SFTPD: variants seen among roughly 807,000 people sequenced by gnomAD.
The protein encoded by SFTPD is pulmonary surfactant-associated protein D.
Under a neutral mutation model 34.6 loss-of-function variants are expected in SFTPD, and 18 were observed. That is an observed-to-expected ratio of 0.52 (90% CI 0.36 to 0.77). The LOEUF (loss-of-function observed/expected upper bound fraction) is 0.77. Ranked by LOEUF, SFTPD falls within the 30% of genes least tolerant of loss-of-function variation. The pLI, the probability that SFTPD is intolerant of heterozygous loss-of-function variation, is 0.00. For synonymous variants in SFTPD, 155 were observed against 180.9 expected, an observed-to-expected ratio of 0.86 and a Z score of 1.15; for missense variants, 433 against 468.9, an observed-to-expected ratio of 0.92 and a Z score of 0.71.
At chr10:79,982,345 G>A (rs943285398) in intron 1 of SFTPD, 4 of 981,122 alleles carry the variant, frequency 4.1e-6, no homozygotes, top group African/African-American at 1.7e-5. Flanking sequence ...GCGCTGCTGC[G>A]AAGGCCCTGG....
intron 2 of SFTPD, among the ~76,000 whole-genome samples, chr10:79,943,934 T>A (rs1007263325): frequency 1.3e-5 from 2 of 152,118 alleles, no homozygotes; most frequent in Non-Finnish European, 2.9e-5. Flanking sequence ...AAAATGTCAC[T>A]CTCCAGAAGA....
intron 1 of SFTPD, chr10:79,969,525 G>A (rs1160703860): frequency 6.6e-6 from 1 of 151,786 alleles, no homozygotes; most frequent in East Asian, 1.9e-4. Flanking sequence ...CGTAGTTCGT[G>A]AATATTTTCA....
intron 7 of SFTPD, among the ~76,000 whole-genome samples, 189 bp downstream of exon 7, chr10:79,940,516 C>A (rs1842600099): frequency 6.6e-6 from 1 of 152,180 alleles, no homozygotes; most frequent in South Asian, 2.1e-4. Context: ...CCAGCCTGAG[C>A]CCTACCCCCT....
At chr10:79,938,271 G>A in intron 7 of SFTPD, 43 bp from the exon 8 acceptor site, 1 of 1,544,912 alleles carries the variant, frequency 6.5e-7, no homozygotes, top group Non-Finnish European at 8.8e-7. Flanking sequence ...GGCATCACCT[G>A]GCCAAAGCTC....
At chr10:79,971,425 G>A (rs1340415530) in intron 1 of SFTPD, 1 of 152,202 alleles carries the variant, frequency 6.6e-6, no homozygotes, top group Non-Finnish European at 1.5e-5. Flanking sequence ...AGTTTGAGAA[G>A]AATTGGTATT....
At chr10:79,973,020 T>C (rs1472534760) in intron 1 of SFTPD, 1 of 152,180 alleles carries the variant, frequency 6.6e-6, no homozygotes, top group Non-Finnish European at 1.5e-5. Context: ...ACTGAGCTGT[T>C]ATCATGTGTG....
chr10:79,961,165 G>A (rs1018972816), intron 1 of SFTPD, among the ~76,000 whole-genome samples: 19 of 151,988 alleles, frequency 1.3e-4, no homozygotes, highest in African/African-American at 7.2e-5. Context: ...TTAAAGACTT[G>A]CATGTTAGAC....
intron 1 of SFTPD, among the ~76,000 whole-genome samples, chr10:79,959,408 A>G (rs1417392160): frequency 6.6e-6 from 1 of 152,234 alleles, no homozygotes; most frequent in Admixed American, 6.5e-5. Flanking sequence ...CAAGACTAAT[A>G]AAGAAGAAAA....
rs1842668273 is a variant in SFTPD, at chr10:79,946,620, G to A, written c.40C>T (p.Gln14Ter). 1.2e-6 allele frequency: 2 copies of A among 1,614,238 alleles called. No homozygotes were observed. The highest frequency in any genetic ancestry group is 1.7e-6 in the Non-Finnish European group (2 of 1,180,032). The change falls in exon 2 of 8, where the codon CAG becomes TAG. Residue 14 changes from glutamine (Q) to a stop codon, truncating the protein, a stop_gained. Coordinates refer to ENST00000372292, the MANE Select transcript of SFTPD (RefSeq NM_003019.5). LOFTEE classifies it high-confidence loss of function. The part of the protein sequence containing the change: ...FLLSALVLLT[Q>*]PLGYLEAEMK... ...TCTGCTTCCAGGTAGCCCAGGGGCT[G>A]TGTGAGCAGGACCAGTGCAGAGAGG...
chr10:79,944,922 G>T lies in SFTPD; in HGVS notation c.199+1539C>A, dbSNP rs547262109. On this transcript the variant is annotated intron_variant, in intron 2 of 7. Coordinates refer to ENST00000372292, the MANE Select transcript of SFTPD (RefSeq NM_003019.5). Reference sequence around the variant, plus strand: ...ACATGCTTCCAACTCTGCAGGGGTGGTTGTCACAAGCACAGACTTTGGCCC... The same window carrying T: ...ACATGCTTCCAACTCTGCAGGGGTGTTTGTCACAAGCACAGACTTTGGCCC... 1.5e-3 allele frequency among the ~76,000 whole-genome samples: 235 copies of T among 152,140 alleles called. 2 individuals carry two copies. The highest frequency in any genetic ancestry group is 5.4e-3 in the African/African-American group (225 of 41,478).
rs918783974 is a variant in SFTPD at position 79,962,543 on chromosome 10, T to C, written c.37-15881A>G. Among the ~76,000 whole-genome samples, 14 of 152,118 alleles carry C rather than the reference T, an allele frequency of 9.2e-5. No homozygotes were observed. The East Asian group carries it at 2.7e-3, about 29-fold the overall frequency. The stretch of plus-strand genomic sequence containing the variant: ...ATAATTTTCTAAAGCTATTTTTTAG[T>C]TCTTCTCCTGTCTTCCTCTCCTCCA... On this transcript the variant is annotated intron_variant, in intron 1 of 5. Coordinates refer to the SFTPD transcript ENST00000444384.
intron 1 of SFTPD, among the ~76,000 whole-genome samples, chr10:79,958,605 A>G (rs1341537768): frequency 6.6e-6 from 1 of 152,218 alleles, no homozygotes; most frequent in African/African-American, 2.4e-5. Flanking sequence ...TATCCTAAAT[A>G]TATACGCACC....
In SFTPD at chr10:79,941,977, A is replaced by T; in HGVS notation, c.527T>A (p.Val176Asp). 1 of 1,612,484 alleles carries T rather than the reference A, an allele frequency of 6.2e-7. No individual in the cohort carries two copies. The highest frequency in any genetic ancestry group is 1.1e-5 in the South Asian group (1 of 91,018). ...ACCTGCTGCCCCTGTGTTTCCAGGGACTCCACGCTCACCAGGGACACCTCG... is the reference window on the plus strand; with the variant it reads ...ACCTGCTGCCCCTGTGTTTCCAGGGTCTCCACGCTCACCAGGGACACCTCG... ...GERGVPGERG[V>D]PGNTGAAGSA... The change falls in exon 5 of 8, where the codon GTC becomes GAC. Residue 176 changes from valine (V) to aspartate (D), a missense_variant. Coordinates refer to ENST00000372292, the MANE Select transcript of SFTPD (RefSeq NM_003019.5).
chr10:79,942,167 CAG>C (rs1192597888), intron 4 of SFTPD, 97 bp from the exon 5 acceptor site: 2 of 896,800 alleles, frequency 2.2e-6, no homozygotes, highest in African/African-American at 1.7e-5. Flanking sequence ...ACTTTAGGGT[CAG>C]AGAGAGAAGT....
intron 4 of SFTPD, 136 bp from the exon 5 acceptor site, chr10:79,942,206 C>T (rs1842620245): frequency 1.3e-6 from 1 of 763,828 alleles, no homozygotes; most frequent in Non-Finnish European, 2.2e-6. Flanking sequence ...CTTTCTGGGG[C>T]TCCTCTGTGG....
rs1330739588 is a variant in SFTPD, at chr10:79,942,032, CCCCTGCCGAG to C, written c.462_471del (p.Ser155GlnfsTer46). ...CCCTTAGGGCCTGCGAGGCCTCTTGCCCCTGCCGAGCCCTGCATGCCTGGGGCACCTACTT... is the reference window on the plus strand; with the variant it reads ...CCCTTAGGGCCTGCGAGGCCTCTTGCCCCTGCATGCCTGGGGCACCTACTT... On this transcript the variant is annotated frameshift_variant, in exon 5 of 8. Transcript: ENST00000372292. LOFTEE classifies it high-confidence loss of function. The C allele has an allele frequency of 6.2e-7, 1 of 1,613,916 alleles. No homozygotes were observed. The highest frequency in any genetic ancestry group is 2.2e-5 in the East Asian group (1 of 44,872).
chr10:79,979,189 G>A (rs1275819860), intron 1 of SFTPD, among the ~76,000 whole-genome samples: 1 of 151,936 alleles, frequency 6.6e-6, no homozygotes, highest in African/African-American at 2.4e-5. Context: ...ATTTAACCAA[G>A]CAGGTGAATG....
intron 1 of SFTPD, among the ~76,000 whole-genome samples, chr10:79,955,297 G>C (rs1325473338): frequency 1.3e-5 from 2 of 152,186 alleles, no homozygotes; most frequent in South Asian, 2.1e-4. Context: ...AAGGAAGGCT[G>C]GGGATCTTCT....
chr10:79,943,102 C>A (rs1350672934), intron 2 of SFTPD, among the ~76,000 whole-genome samples: 1 of 152,126 alleles, frequency 6.6e-6, no homozygotes. Context: ...AAGCCAAGAC[C>A]TGCCTGACCT....
Sources: gnomAD v4.1 joint callset for allele counts (sites outside exome capture counted in the v4.1 genomes callset) on GRCh38, gnomAD v4.1.1 for gene constraint, MANE v1.5 for transcripts, NCBI Gene and HGNC (gene_info 2026-07-23, HGNC 2026-07-21) for gene names.